BBX: variants seen among roughly 807,000 people sequenced by gnomAD.
BBX encodes HMG box transcription factor BBX.
A neutral mutation model predicts 100.2 loss-of-function variants in BBX; 30 were observed. The ratio of observed to expected loss-of-function variants is 0.30; its 90% CI spans 0.22 to 0.41. The LOEUF is 0.41. Among genes scored for constraint, BBX ranks in the 10% least tolerant of loss-of-function variants. The probability of loss-of-function intolerance (pLI) is 1.00; values close to 1 mark genes in which losing one functional copy is unlikely to be tolerated. For missense variants in BBX, 1,023 were observed against 1,129.8 expected, an observed-to-expected ratio of 0.91 and a Z score of 1.35; for synonymous variants, 376 against 388.1, an observed-to-expected ratio of 0.97 and a Z score of 0.37.
chr3:107,691,831 G>A (rs1286171299), intron 3 of BBX, among the ~76,000 whole-genome samples: 4 of 152,222 alleles, frequency 2.6e-5, no homozygotes, highest in Admixed American at 2.0e-4. Context: ...GTGTACCAAA[G>A]TGAAAGTAGG....
At chr3:107,683,710 G>T (rs1346628829) in intron 3 of BBX, among the ~76,000 whole-genome samples, 1 of 152,098 alleles carries the variant, frequency 6.6e-6, no homozygotes, top group Non-Finnish European at 1.5e-5. Flanking sequence ...GTTAGATTTG[G>T]CGTTAGAGGT....
At chr3:107,783,723 G>A (rs1331120348) in intron 13 of BBX, among the ~76,000 whole-genome samples, 1 of 151,964 alleles carries the variant, frequency 6.6e-6, no homozygotes, top group Non-Finnish European at 1.5e-5. Flanking sequence ...AACACATGAG[G>A]CAGTGATTGC....
chr3:107,789,213 G>A (rs1245118079), intron 13 of BBX, among the ~76,000 whole-genome samples: 1 of 151,808 alleles, frequency 6.6e-6, no homozygotes, highest in East Asian at 1.9e-4. Flanking sequence ...TTCTTTATCT[G>A]AGAAAACTAA....
intron 2 of BBX, among the ~76,000 whole-genome samples, chr3:107,541,369 G>A (rs1418362194): frequency 1.3e-5 from 2 of 151,942 alleles, no homozygotes; most frequent in Non-Finnish European, 2.9e-5. Context: ...ATAAATATTT[G>A]GAGTAGCAGT....
intron 14 of BBX, among the ~76,000 whole-genome samples, chr3:107,790,199 A>G (rs2068857201): frequency 6.6e-6 from 1 of 151,872 alleles, no homozygotes; most frequent in South Asian, 2.1e-4. Context: ...TTCTTTGACT[A>G]TTCTTGGTTT....
chr3:107,744,902 G>A (rs536365277), intron 8 of BBX, among the ~76,000 whole-genome samples, 192 bp downstream of exon 8: 20 of 152,168 alleles, frequency 1.3e-4, no homozygotes, highest in African/African-American at 2.6e-4. Context: ...ACATTTATGC[G>A]TTTATAGAAG....
At chr3:107,611,238 G>A (rs766970814) in intron 2 of BBX, among the ~76,000 whole-genome samples, 4 of 151,942 alleles carry the variant, frequency 2.6e-5, no homozygotes, top group Admixed American at 6.6e-5. Flanking sequence ...TCACTTTATC[G>A]TTTTGTCTTT....
At chr3:107,625,802 T>A (rs1232314648) in intron 2 of BBX, among the ~76,000 whole-genome samples, 1 of 152,194 alleles carries the variant, frequency 6.6e-6, no homozygotes, top group Non-Finnish European at 1.5e-5. Flanking sequence ...TGTCTTTTAT[T>A]TCTCTTTGTT....
Position 107,810,185 on chromosome 3 carries a change from A to C in BBX, c.*4728A>C, listed in dbSNP as rs1052793019. On this transcript the variant is annotated 3_prime_UTR_variant, in exon 18 of 18. Coordinates refer to ENST00000325805, the MANE Select transcript of BBX (RefSeq NM_001142568.3). ...ATCTGTATGTGCTACCCTTCCTTCAAATATATAAATGTGCATCTTTTTTTT... is the reference window on the plus strand; with the variant it reads ...ATCTGTATGTGCTACCCTTCCTTCACATATATAAATGTGCATCTTTTTTTT... 1 of 151,742 alleles carries C rather than the reference A, an allele frequency of 6.6e-6. No homozygotes were observed. The highest frequency in any genetic ancestry group is 1.5e-5 in the Non-Finnish European group (1 of 67,954). The allele number at this position is 151,742 out of a possible 1,614,324, so 9.4% of individuals were successfully genotyped here.
intron 2 of BBX, among the ~76,000 whole-genome samples, chr3:107,548,154 CTG>C (rs2049379252): frequency 6.6e-6 from 1 of 152,214 alleles, no homozygotes; most frequent in African/African-American, 2.4e-5. Flanking sequence ...CACTTCTTAA[CTG>C]TGTCAGTATG....
chr3:107,786,628 A>G (rs1559736526), intron 13 of BBX, among the ~76,000 whole-genome samples: 1 of 152,182 alleles, frequency 6.6e-6, no homozygotes, highest in East Asian at 1.9e-4. Flanking sequence ...ACCTCATACA[A>G]TGTACAAAAT....
chr3:107,704,189 G>C (rs1220530135), intron 3 of BBX, among the ~76,000 whole-genome samples: 1 of 152,106 alleles, frequency 6.6e-6, no homozygotes, highest in Non-Finnish European at 1.5e-5. Context: ...TAAATATGTA[G>C]CAGTTAAATA....
At chr3:107,538,299 C>T (rs959332372) in intron 2 of BBX, among the ~76,000 whole-genome samples, 37 of 152,246 alleles carry the variant, frequency 2.4e-4, no homozygotes, top group African/African-American at 5.8e-4. Flanking sequence ...GGAATGGGAT[C>T]ACACATGAGC....
chr3:107,671,309 A>C (rs2059009285), intron 3 of BBX, among the ~76,000 whole-genome samples: 1 of 152,048 alleles, frequency 6.6e-6, no homozygotes, highest in African/African-American at 2.4e-5. Flanking sequence ...TCTGTCTGTA[A>C]CTTGAAGTTC....
rs1207313705 is a variant in BBX at position 107,809,719 on chromosome 3, T to G, written c.*4262T>G. ...AAATGCTGTTGTTACATTTGACCTA[T>G]AAAGTATTCAGAGTGACTGCTAGGT... On this transcript the variant is annotated 3_prime_UTR_variant, in exon 18 of 18. Coordinates refer to ENST00000325805, the MANE Select transcript of BBX (RefSeq NM_001142568.3). 3 of 152,218 alleles carry G rather than the reference T, an allele frequency of 2.0e-5. No individual in the cohort carries two copies. Among genetic ancestry groups the G allele is most frequent in the East Asian group, 3.8e-4 (2 of 5,198 alleles). The allele number at this position is 152,218 out of a possible 1,614,324, so 9.4% of individuals were successfully genotyped here.
At chr3:107,597,616 A>T (rs1436679604) in intron 2 of BBX, among the ~76,000 whole-genome samples, 1 of 152,216 alleles carries the variant, frequency 6.6e-6, no homozygotes, top group Non-Finnish European at 1.5e-5. Flanking sequence ...GAGAGTACTT[A>T]TATAGCAGTG....
intron 7 of BBX, among the ~76,000 whole-genome samples, chr3:107,743,918 GTTTTTTTTTTT>G (rs34762783): frequency 1.8e-5 from 1 of 56,622 alleles, no homozygotes; most frequent in Non-Finnish European, 3.1e-5. Context: ...TGTTTTAGTG[GTTTTTTTTTTT>G]TTTTTTTTTT....
chr3:107,562,033 A>G (rs541572139), intron 2 of BBX, among the ~76,000 whole-genome samples: 3 of 152,332 alleles, frequency 2.0e-5, no homozygotes, highest in African/African-American at 7.2e-5. Context: ...GATTTCATTT[A>G]ATCCGTGATG....
intron 10 of BBX, among the ~76,000 whole-genome samples, chr3:107,762,809 C>T (rs987747767): frequency 1.8e-4 from 27 of 152,196 alleles, no homozygotes; most frequent in African/African-American, 6.3e-4. Flanking sequence ...CATTTTGGAA[C>T]TGCTTATCAT....
Sources: allele counts gnomAD v4.1 joint callset (sites outside exome capture counted in the v4.1 genomes callset), GRCh38; gene constraint gnomAD v4.1.1; transcripts MANE v1.5; gene names NCBI Gene and HGNC (gene_info 2026-07-23, HGNC 2026-07-21).